Variants in HHAT observed in about 807,000 individuals in gnomAD.
HHAT encodes the protein protein-cysteine N-palmitoyltransferase HHAT.
In HHAT, 47 loss-of-function variants were observed where a neutral mutation model predicts 70.8. The ratio of observed to expected loss-of-function variants is 0.66; its 90% CI spans 0.53 to 0.85. The LOEUF is 0.85. Among genes scored for constraint, HHAT ranks in the 40% least tolerant of loss-of-function variants. HHAT has a pLI of 0.00. For synonymous variants in HHAT, 228 were observed against 247.6 expected (o/e 0.92, Z 0.74); for missense variants, 609 against 604.8 (o/e 1.01, Z -0.07).
Position 210,513,173 on chromosome 1 carries a change from A to G in HHAT, c.1028A>G (p.His343Arg). The G allele has an allele frequency of 6.6e-7, 1 of 1,523,270 alleles. No individual in the cohort carries two copies. Among genetic ancestry groups the G allele is most frequent in the Non-Finnish European group, 9.1e-7 (1 of 1,101,948 alleles). 94.4% of individuals were successfully genotyped at this position (1,523,270 alleles called of 1,614,324 possible). The change falls in exon 9 of 12, where the codon CAT becomes CGT. Residue 343 changes from histidine (H) to arginine (R), a missense_variant. By Grantham distance (29) the His-to-Arg change is conservative. Transcript: ENST00000261458. The stretch of plus-strand genomic sequence containing the variant: ...AACAGGTATTTTGATGTTGGACTGC[A>G]TAATTTCTTAATCAGGTAAGCCAAT... ...GMWRYFDVGL[H>R]NFLIRYVYIP...
At chr1:210,648,401 A>T (rs1674496867) in intron 11 of HHAT, among the ~76,000 whole-genome samples, 1 of 152,124 alleles carries the variant, frequency 6.6e-6, no homozygotes, top group Non-Finnish European at 1.5e-5. Context: ...GCTGACGGAG[A>T]CTTGAAGCCA....
intron 11 of HHAT, among the ~76,000 whole-genome samples, chr1:210,643,340 A>T (rs1433090875): frequency 6.6e-6 from 1 of 152,250 alleles, no homozygotes; most frequent in African/African-American, 2.4e-5. Flanking sequence ...ATTACATTGA[A>T]TGTGTATATA....
At chr1:210,612,202 C>T (rs1310215925) in intron 10 of HHAT, among the ~76,000 whole-genome samples, 2 of 152,136 alleles carry the variant, frequency 1.3e-5, no homozygotes, top group East Asian at 1.9e-4. Flanking sequence ...ATTTTAACCA[C>T]ATTTGGGTAT....
chr1:210,569,876 T>G (rs1655806446), intron 9 of HHAT, among the ~76,000 whole-genome samples: 1 of 152,212 alleles, frequency 6.6e-6, no homozygotes, highest in Non-Finnish European at 1.5e-5. Context: ...ATGTTTAATA[T>G]ACCTCTAGAC....
chr1:210,383,311 G>A (rs919176396), intron 3 of HHAT, among the ~76,000 whole-genome samples: 2 of 151,148 alleles, frequency 1.3e-5, no homozygotes, highest in African/African-American at 4.9e-5. Flanking sequence ...TTGCACTCCG[G>A]CCTGGGCAGC....
At chr1:210,455,915 T>C (rs1347911079) in intron 7 of HHAT, among the ~76,000 whole-genome samples, 1 of 152,182 alleles carries the variant, frequency 6.6e-6, no homozygotes, top group Admixed American at 6.5e-5. Context: ...TGGTAAATAA[T>C]AAGGCCCATG....
chr1:210,366,581 A>G (rs952002043), intron 3 of HHAT, among the ~76,000 whole-genome samples: 2 of 152,122 alleles, frequency 1.3e-5, no homozygotes. Context: ...GTGCCACTGC[A>G]CTCTGCACTC....
chr1:210,419,703 T>C (rs569330216), intron 7 of HHAT, among the ~76,000 whole-genome samples: 2 of 152,326 alleles, frequency 1.3e-5, no homozygotes, highest in East Asian at 1.9e-4. Context: ...ACCTTTAAGA[T>C]TGAAAAAATG....
intron 9 of HHAT, among the ~76,000 whole-genome samples, chr1:210,533,026 G>C (rs1376267984): frequency 6.6e-6 from 1 of 152,030 alleles, no homozygotes; most frequent in Non-Finnish European, 1.5e-5. Context: ...GTTGAGTCTT[G>C]CTCTCTCACT....
rs911901019 is a variant in HHAT at position 210,673,808 on chromosome 1, T to C, written c.1391-480T>C. On this transcript the variant is annotated intron_variant, in intron 11 of 11. Coordinates refer to ENST00000261458, the MANE Select transcript of HHAT (RefSeq NM_018194.6). ...TTATTTATTTATTTATTTATTTATT[T>C]ATTTATGGTAGAGATGAGGTTTCAC... Among the ~76,000 whole-genome samples, 8 of 137,120 alleles carry C rather than the reference T, an allele frequency of 5.8e-5. No individual in the cohort carries two copies. In the Admixed American group the frequency reaches 6.0e-4, roughly 10 times the overall value. 90.0% of individuals were successfully genotyped at this position (137,120 alleles called of 152,430 possible).
intron 8 of HHAT, among the ~76,000 whole-genome samples, chr1:210,506,717 G>C (rs1198094924): frequency 6.6e-6 from 1 of 152,144 alleles, no homozygotes; most frequent in Non-Finnish European, 1.5e-5. Context: ...AAAATAATCA[G>C]TGTATTAAAT....
At chr1:210,637,465 C>T (rs528355567) in intron 11 of HHAT, among the ~76,000 whole-genome samples, 4 of 152,036 alleles carry the variant, frequency 2.6e-5, no homozygotes, top group South Asian at 2.1e-4. Flanking sequence ...ATCAAGAAAA[C>T]GAAAATACAT....
chr1:210,485,289 TAC>T (rs1392619640), intron 8 of HHAT, among the ~76,000 whole-genome samples: 1 of 152,028 alleles, frequency 6.6e-6, no homozygotes. Context: ...CACACAGTGC[TAC>T]AGTCTGATCA....
At chr1:210,506,562 A>C (rs1363966079) in intron 8 of HHAT, among the ~76,000 whole-genome samples, 2 of 152,218 alleles carry the variant, frequency 1.3e-5, no homozygotes, top group African/African-American at 4.8e-5. Flanking sequence ...CTCATGAGGA[A>C]ACCCTGGTTT....
At chr1:210,527,587 C>A (rs889322654) in intron 9 of HHAT, among the ~76,000 whole-genome samples, 3 of 152,036 alleles carry the variant, frequency 2.0e-5, no homozygotes, top group Non-Finnish European at 4.4e-5. Flanking sequence ...AGTGGCAACA[C>A]CTTTAAAAAA....
intron 1 of HHAT, among the ~76,000 whole-genome samples, chr1:210,331,230 G>A (rs946796805): frequency 6.6e-6 from 1 of 151,212 alleles, no homozygotes; most frequent in Non-Finnish European, 1.5e-5. Flanking sequence ...TTGTTTTTCT[G>A]CAACTAGGCA....
At chr1:210,383,788 T>C (rs1006053845) in intron 3 of HHAT, among the ~76,000 whole-genome samples, 4 of 152,228 alleles carry the variant, frequency 2.6e-5, no homozygotes, top group South Asian at 2.1e-4. Flanking sequence ...ATAAGGTCTG[T>C]TAAACAAATT....
chr1:210,365,453 A>G (rs2088847844), intron 3 of HHAT, among the ~76,000 whole-genome samples: 2 of 150,402 alleles, frequency 1.3e-5, no homozygotes, highest in Admixed American at 1.3e-4. Flanking sequence ...AGTAGCTAGG[A>G]TTACAGGCAC....
At chr1:210,438,174 T>TTGTGTG (rs3036615) in intron 7 of HHAT, among the ~76,000 whole-genome samples, 2,478 of 149,560 alleles carry the variant, frequency 0.017, 122 homozygotes, top group African/African-American at 0.057. Context: ...TTCTCCGTGT[T>TTGTGTG]TGTGTGTGTG....
Sources: allele counts gnomAD v4.1 joint callset (sites outside exome capture counted in the v4.1 genomes callset), GRCh38; gene constraint gnomAD v4.1.1; transcripts MANE v1.5; gene names NCBI Gene and HGNC (gene_info 2026-07-23, HGNC 2026-07-21).